The following SNX32 variants were observed in gnomAD, a reference collection of about 807,000 sequenced individuals.
SNX32 encodes the protein sorting nexin-32.
SNX32 carries 58 observed loss-of-function variants against 57.0 expected under a neutral mutation model. The ratio of observed to expected loss-of-function variants is 1.02; its 90% CI spans 0.82 to 1.27. The LOEUF (loss-of-function observed/expected upper bound fraction) is 1.27, where lower values mean the gene tolerates loss of function less well. SNX32 is among the 50% of genes most tolerant of loss of function. The pLI, the probability that SNX32 is intolerant of heterozygous loss-of-function variation, is 0.00. For synonymous variants in SNX32, 262 were observed against 220.4 expected, an observed-to-expected ratio of 1.19 and a Z score of -1.67; for missense variants, 589 against 541.2, an observed-to-expected ratio of 1.09 and a Z score of -0.88.
chr11:65,846,696 G>GT (rs1859006800), intron 1 of SNX32, among the ~76,000 whole-genome samples: 1 of 151,332 alleles, frequency 6.6e-6, no homozygotes, highest in South Asian at 2.1e-4. Context: ...TTAAAAAAAT[G>GT]TTTTTTGCCA....
Position 65,851,071 on chromosome 11 carries a change from T to C in SNX32, c.620T>C (p.Phe207Ser), listed in dbSNP as rs1192147646. ...MSGLKEVDDF[F>S]EHERTFLLEY... is the part of the protein sequence containing the mutation. ...CTCCCTTAGGAGGTGGATGACTTCT[T>C]TGAGCATGAGAGGACCTTCCTGTTG... The change falls in exon 7 of 13, where the codon TTT becomes TCT. Residue 207 changes from phenylalanine to serine, a missense_variant. Phe to Ser is a radical substitution (Grantham distance 155). Transcript: ENST00000308342. 2.5e-6 allele frequency: 4 copies of C among 1,613,952 alleles called. No homozygotes were observed. The highest frequency in any genetic ancestry group is 1.7e-5 in the Admixed American group (1 of 60,012).
At chr11:65,839,014 T>G (rs1397220849) in intron 1 of SNX32, among the ~76,000 whole-genome samples, 3 of 151,516 alleles carry the variant, frequency 2.0e-5, no homozygotes, top group African/African-American at 7.3e-5. Context: ...AAGAAAGCCT[T>G]GAGTATATGA....
chr11:65,844,186 G>GA (rs1050187336), intron 1 of SNX32, among the ~76,000 whole-genome samples: 8 of 151,608 alleles, frequency 5.3e-5, no homozygotes, highest in African/African-American at 1.7e-4. Flanking sequence ...AAATGATTCT[G>GA]AAAAAAAAGA....
intron 1 of SNX32, among the ~76,000 whole-genome samples, chr11:65,836,876 A>C (rs192155639): frequency 2.0e-5 from 3 of 151,954 alleles, no homozygotes; most frequent in Admixed American, 1.3e-4. Context: ...AGGGAGGGGA[A>C]CAATACACAC....
chr11:65,839,428 A>G (rs1237035011), intron 1 of SNX32, among the ~76,000 whole-genome samples: 1 of 145,590 alleles, frequency 6.9e-6, no homozygotes, highest in African/African-American at 2.6e-5. Context: ...ACGGGGTTTC[A>G]CCGTTTTAGC....
chr11:65,842,383 T>A (rs1399208469), intron 1 of SNX32, among the ~76,000 whole-genome samples: 1 of 152,184 alleles, frequency 6.6e-6, no homozygotes, highest in Non-Finnish European at 1.5e-5. Flanking sequence ...GCGTGGTGGA[T>A]CATGCCTGTA....
At chr11:65,843,550 G>A (rs746125839) in intron 1 of SNX32, among the ~76,000 whole-genome samples, 1 of 152,142 alleles carries the variant, frequency 6.6e-6, no homozygotes, top group Non-Finnish European at 1.5e-5. Context: ...CTGGGCAACA[G>A]AGCAAGACTC....
In SNX32 at chr11:65,850,181, A is replaced by G; in HGVS notation, c.284A>G (p.Glu95Gly). 6.2e-7 allele frequency: 1 copy of G among 1,614,172 alleles called. No individual in the cohort carries two copies. The highest frequency in any genetic ancestry group is 8.5e-7 in the Non-Finnish European group (1 of 1,180,016). ...IPPAPPRPDF[E>G]ASREKLQKLG... is the part of the protein sequence containing the mutation. ...CCAGCCCCTCCGAGGCCAGACTTTG[A>G]GGCTTCGAGGGAAAAGCTACAGAAA... is the stretch of plus-strand genomic sequence containing the variant. Residue 95 changes from glutamate to glycine, a missense_variant, in exon 4 of 13, where the codon GAG becomes GGG. Physicochemically the swap from Glu to Gly is moderately conservative, Grantham distance 98 (BLOSUM62 -2). Transcript: ENST00000308342.
chr11:65,834,029 C>T lies in SNX32; in HGVS notation c.-37C>T. 1 of 1,547,900 alleles carries T rather than the reference C, an allele frequency of 6.5e-7. No homozygotes were observed. The highest frequency in any genetic ancestry group is 8.7e-7 in the Non-Finnish European group (1 of 1,145,080). ...GTTACGGGGACGACCTGCGGGAGCA[C>T]GCGGGCAGTGGCCGGACGCTGAAGC... On this transcript the variant is annotated 5_prime_UTR_variant, in exon 1 of 13. In the 5' UTR this introduces an upstream ATG that the reference lacks. Transcript: ENST00000308342.
chr11:65,849,185 G>T lies in SNX32; in HGVS notation c.37-293G>T, dbSNP rs139260494. On this transcript the variant is annotated intron_variant, in intron 1 of 12. Transcript: ENST00000308342. Reference sequence around the variant, plus strand: ...AACAACTGGGTTTCAATCTGGCACTGTCGCTTTGCAGCTGCATAACCTTGG... The same window carrying T: ...AACAACTGGGTTTCAATCTGGCACTTTCGCTTTGCAGCTGCATAACCTTGG... Among the ~76,000 whole-genome samples, 360 of 152,312 alleles carry T rather than the reference G, an allele frequency of 2.4e-3. 1 individual carries two copies. Among genetic ancestry groups the T allele is most frequent in the Middle Eastern group, 0.02 (6 of 294 alleles).
intron 1 of SNX32, among the ~76,000 whole-genome samples, chr11:65,847,467 C>A (rs996352692): frequency 6.6e-6 from 1 of 151,966 alleles, no homozygotes; most frequent in Non-Finnish European, 1.5e-5. Flanking sequence ...CAGAGCAAGA[C>A]CCTGTCTCCA....
chr11:65,851,314 C>T lies in SNX32; in HGVS notation c.710-14C>T. 1.2e-6 allele frequency: 2 copies of T among 1,613,822 alleles called. No homozygotes were observed. Among genetic ancestry groups the T allele is most frequent in the Non-Finnish European group, 1.7e-6 (2 of 1,179,856 alleles). On this transcript the variant is annotated splice_polypyrimidine_tract_variant and intron_variant, in intron 7 of 12. Coordinates refer to ENST00000308342, the MANE Select transcript of SNX32 (RefSeq NM_152760.3). ...GCAGATGTAGGGGCTCTGATGGGGG[C>T]TGTTCCCCAACAGGCCTGGCAGACG...
intron 1 of SNX32, among the ~76,000 whole-genome samples, chr11:65,846,530 C>T (rs1166424028): frequency 1.3e-5 from 2 of 150,652 alleles, no homozygotes; most frequent in African/African-American, 4.9e-5. Context: ...CGTGCCATTG[C>T]ACTCCAGCCT....
intron 1 of SNX32, among the ~76,000 whole-genome samples, chr11:65,836,897 G>T (rs1438480480): frequency 4.0e-5 from 6 of 151,790 alleles, no homozygotes; most frequent in African/African-American, 9.7e-5. Context: ...TGTGGCCTGT[G>T]GGGGGCTGGG....
intron 4 of SNX32, 66 bp from the exon 5 acceptor site, chr11:65,850,365 C>T (rs1488990376): frequency 6.2e-7 from 1 of 1,612,368 alleles, no homozygotes; most frequent in Admixed American, 1.7e-5. Flanking sequence ...ACCTCTGACC[C>T]CAGAAAGGGG....
At chr11:65,849,407 G>A in intron 1 of SNX32, 71 bp from the exon 2 acceptor site, 2 of 1,219,538 alleles carry the variant, frequency 1.6e-6, no homozygotes, top group Non-Finnish European at 2.3e-6. Context: ...AGGTGGATCA[G>A]AAAGCCTGCA....
rs541516433 is a variant in SNX32 at position 65,837,984 on chromosome 11, C to T, written c.36+3883C>T. Among the ~76,000 whole-genome samples, 26 of 151,932 alleles carry T rather than the reference C, an allele frequency of 1.7e-4. 1 individual carries two copies. In the South Asian group the frequency reaches 5.0e-3, roughly 29 times the overall value. On this transcript the variant is annotated intron_variant, in intron 1 of 12. Coordinates refer to ENST00000308342, the MANE Select transcript of SNX32 (RefSeq NM_152760.3). Reference sequence around the variant, plus strand: ...CAGCCTGGCCAACATGGTGAAACCCCGTCTCTACTAAAAATACAAAAATTA... The same window carrying T: ...CAGCCTGGCCAACATGGTGAAACCCTGTCTCTACTAAAAATACAAAAATTA...
chr11:65,850,140 C>T lies in SNX32; in HGVS notation c.253-10C>T. 6.2e-7 allele frequency: 1 copy of T among 1,614,268 alleles called. No homozygotes were observed. Among genetic ancestry groups the T allele is most frequent in the Non-Finnish European group, 8.5e-7 (1 of 1,180,042 alleles). ...GAGAGGCCTCCCAGCTCCGTCCCTC[C>T]TTTGAGCAGATCCCCCCAGCCCCTC... On this transcript the variant is annotated splice_polypyrimidine_tract_variant and intron_variant, in intron 3 of 12. Coordinates refer to ENST00000308342, the MANE Select transcript of SNX32 (RefSeq NM_152760.3).
At chr11:65,853,108 G>C (rs936928218) in intron 12 of SNX32, 150 bp downstream of exon 12, 1 of 1,276,502 alleles carries the variant, frequency 7.8e-7, no homozygotes, top group African/African-American at 1.5e-5. Context: ...TAAGGCTTGG[G>C]GCCATGCTTC....
Sources: gnomAD v4.1 joint callset for allele counts (sites outside exome capture counted in the v4.1 genomes callset) on GRCh38, gnomAD v4.1.1 for gene constraint, MANE v1.5 for transcripts, NCBI Gene and HGNC (gene_info 2026-07-23, HGNC 2026-07-21) for gene names.